CNTNAP2: variants seen among roughly 807,000 people sequenced by gnomAD.
CNTNAP2 encodes contactin-associated protein-like 2.
CNTNAP2 carries 98 observed loss-of-function variants against 155.2 expected under a neutral mutation model. That is an observed-to-expected ratio of 0.63 (90% CI 0.54 to 0.75). CNTNAP2 has a LOEUF of 0.75. Among genes scored for constraint, CNTNAP2 ranks in the 30% least tolerant of loss-of-function variants. The probability of loss-of-function intolerance (pLI) is 0.00; values close to 1 mark genes in which losing one functional copy is unlikely to be tolerated. For missense variants in CNTNAP2, 1,727 were observed against 1,688.1 expected (o/e 1.02, Z -0.40); for synonymous variants, 651 against 631.2 (o/e 1.03, Z -0.47).
intron 2 of CNTNAP2, among the ~76,000 whole-genome samples, chr7:146,810,227 G>A (rs1563240589): frequency 6.6e-6 from 1 of 150,576 alleles, no homozygotes. Context: ...TTCTATGCCA[G>A]TACCATGCTC....
At chr7:148,055,542 G>T (rs991074427) in intron 15 of CNTNAP2, among the ~76,000 whole-genome samples, 1 of 152,082 alleles carries the variant, frequency 6.6e-6, no homozygotes, top group Non-Finnish European at 1.5e-5. Flanking sequence ...CTGTAAAATG[G>T]GACAATGATA....
chr7:147,261,091 G>A (rs959332794), intron 8 of CNTNAP2, among the ~76,000 whole-genome samples: 3 of 152,062 alleles, frequency 2.0e-5, no homozygotes, highest in Non-Finnish European at 4.4e-5. Flanking sequence ...CATGTTATTC[G>A]GGGTTCATCC....
chr7:147,948,577 C>A (rs1217531272), intron 14 of CNTNAP2, among the ~76,000 whole-genome samples: 2 of 149,522 alleles, frequency 1.3e-5, no homozygotes, highest in Non-Finnish European at 3.0e-5. Flanking sequence ...ATGATTATCA[C>A]CTTGTTTTCA....
chr7:146,354,571 C>T (rs1023409887), intron 1 of CNTNAP2, among the ~76,000 whole-genome samples: 4 of 151,978 alleles, frequency 2.6e-5, no homozygotes, highest in Non-Finnish European at 4.4e-5. Flanking sequence ...CCTGCCACCA[C>T]GCCAGGCTAG....
At chr7:147,679,922 A>C (rs1795922113) in intron 13 of CNTNAP2, among the ~76,000 whole-genome samples, 1 of 151,874 alleles carries the variant, frequency 6.6e-6, no homozygotes, top group Non-Finnish European at 1.5e-5. Flanking sequence ...TAAAATATGC[A>C]TTCTTAGCTG....
intron 11 of CNTNAP2, among the ~76,000 whole-genome samples, chr7:147,501,071 T>C (rs376641225): frequency 6.6e-6 from 1 of 151,916 alleles, no homozygotes; most frequent in Non-Finnish European, 1.5e-5. Flanking sequence ...GCAAGGATGG[T>C]TTGATATATC....
Position 146,301,550 on chromosome 7 carries a change from C to T in CNTNAP2, c.97+184577C>T, listed in dbSNP as rs868199694. ...GTGAGGCAGGAGAATGGTGTGAACCCGGGAGGCGGAGCTTGTAGTGAGCCC... is the reference window on the plus strand; with the variant it reads ...GTGAGGCAGGAGAATGGTGTGAACCTGGGAGGCGGAGCTTGTAGTGAGCCC... On this transcript the variant is annotated intron_variant, in intron 1 of 23. Coordinates refer to ENST00000361727, the MANE Select transcript of CNTNAP2 (RefSeq NM_014141.6). Among the ~76,000 whole-genome samples, 7 of 152,038 alleles carry T rather than the reference C, an allele frequency of 4.6e-5. No individual in the cohort carries two copies. The East Asian group carries it at 7.8e-4, about 17-fold the overall frequency.
At position 147,261,900 on chromosome 7, in the gene CNTNAP2, A is replaced by G. The variant is rs566072194; in HGVS notation, c.1349-38241A>G. 9.8e-5 allele frequency among the ~76,000 whole-genome samples: 15 copies of G among 152,340 alleles called. No homozygotes were observed. In the South Asian group the frequency reaches 2.9e-3, roughly 29 times the overall value. ...AGTAAAACTGGTTATTTGCTGACAA[A>G]GCAGAAGATAATTAAGAATCATAAT... On this transcript the variant is annotated intron_variant, in intron 8 of 23. Coordinates refer to ENST00000361727, the MANE Select transcript of CNTNAP2 (RefSeq NM_014141.6).
At chr7:146,985,119 A>G (rs12670868) in intron 3 of CNTNAP2, among the ~76,000 whole-genome samples, 42,926 of 151,842 alleles carry the variant, frequency 0.28, 6,315 homozygotes, top group South Asian at 0.33. Context: ...AAGTCATAGA[A>G]TGATAAAAGC....
At chr7:147,579,871 C>T (rs897628504) in intron 12 of CNTNAP2, among the ~76,000 whole-genome samples, 1 of 152,154 alleles carries the variant, frequency 6.6e-6, no homozygotes, top group African/African-American at 2.4e-5. Context: ...TCTGGCTTAA[C>T]TAAATCCTTG....
At chr7:146,665,783 T>TTAAAAAAAAAAAA (rs1800180044) in intron 1 of CNTNAP2, among the ~76,000 whole-genome samples, 3 of 48,282 alleles carry the variant, frequency 6.2e-5, no homozygotes, top group Non-Finnish European at 1.1e-4. Context: ...TCTGTCTCAT[T>TTAAAAAAAAAAAA]AAAAAAAAAA....
At chr7:146,868,873 A>C (rs1795254061) in intron 3 of CNTNAP2, among the ~76,000 whole-genome samples, 1 of 152,082 alleles carries the variant, frequency 6.6e-6, no homozygotes, top group Non-Finnish European at 1.5e-5. Context: ...TATGTATCTT[A>C]CAACTTTGCT....
intron 10 of CNTNAP2, among the ~76,000 whole-genome samples, chr7:147,453,067 G>C (rs894918571): frequency 4.6e-5 from 7 of 152,030 alleles, no homozygotes; most frequent in African/African-American, 1.7e-4. Flanking sequence ...TGAGAAAGTA[G>C]AAAAGGGAGA....
At chr7:148,338,897 C>G (rs114068936) in intron 21 of CNTNAP2, among the ~76,000 whole-genome samples, 1,907 of 152,224 alleles carry the variant, frequency 0.013, 48 homozygotes, top group African/African-American at 0.043. Flanking sequence ...CTGAGTATTA[C>G]ACAGGACGTA....
At chr7:148,119,935 C>T (rs893948242) in intron 16 of CNTNAP2, among the ~76,000 whole-genome samples, 1 of 151,710 alleles carries the variant, frequency 6.6e-6, no homozygotes, top group African/African-American at 2.4e-5. Flanking sequence ...TAATTAAAAT[C>T]CCCCCTTTAC....
chr7:148,090,475 G>A (rs893670402), intron 15 of CNTNAP2, among the ~76,000 whole-genome samples: 1 of 151,966 alleles, frequency 6.6e-6, no homozygotes, highest in East Asian at 1.9e-4. Context: ...TCAAAAGAAG[G>A]CATACATGTG....
At chr7:147,975,926 TATA>T (rs1417661058) in intron 14 of CNTNAP2, among the ~76,000 whole-genome samples, 113 of 152,328 alleles carry the variant, frequency 7.4e-4, no homozygotes, top group Non-Finnish European at 8.8e-5. Context: ...TGGCAAACTC[TATA>T]AAGGACCACA....
intron 15 of CNTNAP2, among the ~76,000 whole-genome samples, chr7:148,006,316 C>CTTTTTTT (rs68011639): frequency 8.4e-6 from 1 of 118,990 alleles, no homozygotes; most frequent in African/African-American, 3.3e-5. Flanking sequence ...ATAGGAAGTT[C>CTTTTTTT]TTTTTTTTTT....
chr7:146,396,704 T>C (rs34137151), intron 1 of CNTNAP2, among the ~76,000 whole-genome samples: 52,774 of 142,954 alleles, frequency 0.37, 9,733 homozygotes, highest in African/African-American at 0.51. Flanking sequence ...AGAATATTTA[T>C]ATACATATAT....
Sources: allele counts gnomAD v4.1 joint callset (sites outside exome capture counted in the v4.1 genomes callset), GRCh38; gene constraint gnomAD v4.1.1; transcripts MANE v1.5; gene names NCBI Gene and HGNC (gene_info 2026-07-23, HGNC 2026-07-21).